AOX1: variants seen among roughly 807,000 people sequenced by gnomAD.
AOX1 encodes the protein aldehyde oxidase 1.
Under a neutral mutation model 169.5 loss-of-function variants are expected in AOX1, and 153 were observed. The observed-to-expected ratio is 0.90, with a 90% CI of 0.79 to 1.03. The LOEUF (loss-of-function observed/expected upper bound fraction) is 1.03, where lower values mean the gene tolerates loss of function less well. Ranked by LOEUF, AOX1 falls within the 50% of genes least tolerant of loss-of-function variation. The probability of loss-of-function intolerance (pLI) is 0.00; values close to 1 mark genes in which losing one functional copy is unlikely to be tolerated. For synonymous variants in AOX1, 562 were observed against 581.9 expected, an observed-to-expected ratio of 0.97 and a Z score of 0.49; for missense variants, 1,656 against 1,663.9, an observed-to-expected ratio of 1.00 and a Z score of 0.08.
intron 19 of AOX1, among the ~76,000 whole-genome samples, chr2:200,625,626 A>G (rs7597713): frequency 0.21 from 32,215 of 152,174 alleles, 3,668 homozygotes; most frequent in East Asian, 0.44. Context: ...CCCTCTCCCT[A>G]TACATTACAG....
At chr2:200,644,373 G>C (rs1287587015) in intron 25 of AOX1, among the ~76,000 whole-genome samples, 1 of 151,480 alleles carries the variant, frequency 6.6e-6, no homozygotes, top group African/African-American at 2.4e-5. Flanking sequence ...TTGGGTGTAA[G>C]TATTTGGGTT....
intron 26 of AOX1, among the ~76,000 whole-genome samples, chr2:200,656,525 A>G (rs1382412563): frequency 6.6e-6 from 1 of 152,168 alleles, no homozygotes; most frequent in Non-Finnish European, 1.5e-5. Flanking sequence ...TTTAGTGTCT[A>G]TCTATCTCAT....
intron 25 of AOX1, among the ~76,000 whole-genome samples, chr2:200,648,473 T>C (rs2035509988): frequency 6.6e-6 from 1 of 152,120 alleles, no homozygotes; most frequent in South Asian, 2.1e-4. Flanking sequence ...TGGATACCAG[T>C]GCCTGTTCCG....
chr2:200,673,026 A>G (rs2105781533), downstream of AOX1, among the ~76,000 whole-genome samples: 1 of 152,294 alleles, frequency 6.6e-6, no homozygotes, highest in African/African-American at 2.4e-5. Flanking sequence ...CAGAGCAGAA[A>G]AGTGACATGG....
rs958447476 is a variant in AOX1 at position 200,620,985 on chromosome 2, T to C, written c.1875-135T>C. 33 of 1,336,086 alleles carry C rather than the reference T, an allele frequency of 2.5e-5. No individual in the cohort carries two copies. The East Asian group carries it at 4.0e-4, about 16-fold the overall frequency. 82.8% of individuals were successfully genotyped at this position (1,336,086 alleles called of 1,614,324 possible). A position where few individuals can be genotyped will look rare whatever the true frequency, so the allele number is the denominator to read the frequency against. ...TGTAGGATTTACTACAACTTCGTTG[T>C]CCCAAGAATTTTTTCCCAATTGTCT... On this transcript the variant is annotated intron_variant, in intron 17 of 34. Coordinates refer to ENST00000374700, the MANE Select transcript of AOX1 (RefSeq NM_001159.4).
intron 19 of AOX1, among the ~76,000 whole-genome samples, chr2:200,624,598 T>C (rs780066397): frequency 6.6e-6 from 1 of 152,190 alleles, no homozygotes; most frequent in Non-Finnish European, 1.5e-5. Context: ...GGATGTTCCA[T>C]GAAGTGAGTG....
At chr2:200,674,142 A>T (rs1488535651), downstream of AOX1, among the ~76,000 whole-genome samples, 1 of 152,176 alleles carries the variant, frequency 6.6e-6, no homozygotes, top group Non-Finnish European at 1.5e-5. Flanking sequence ...CTCTCCCTCA[A>T]CTCACACCTA....
chr2:200,588,145 G>T (rs1268784233), intron 1 of AOX1: 2 of 152,510 alleles, frequency 1.3e-5, no homozygotes, highest in Non-Finnish European at 2.9e-5. Context: ...AGAGGGGATG[G>T]ATGTTTTGGC....
At chr2:200,609,674 AATGTCCGG>A (rs2034593829) in intron 12 of AOX1, among the ~76,000 whole-genome samples, 1 of 152,098 alleles carries the variant, frequency 6.6e-6, no homozygotes. Flanking sequence ...TGTGTTGGTT[AATGTCCGG>A]ATGTGATCTG....
Position 200,620,790 on chromosome 2 carries a change from G to C in AOX1, c.1845G>C (p.Val615=). 6.2e-7 allele frequency: 1 copy of C among 1,605,508 alleles called. No homozygotes were observed. Among genetic ancestry groups the C allele is most frequent in the Non-Finnish European group, 8.5e-7 (1 of 1,177,738 alleles). The change falls in exon 17 of 35, where the codon GTG becomes GTC. Residue 615 remains valine (V), a synonymous_variant. Transcript: ENST00000374700. ...LVDQELFLTF[V]TSSRAHAKIV... ...ACCAGGAACTTTTCTTGACTTTTGTGACTAGTTCAAGAGCTCATGCTAAGA... is the reference window on the plus strand; with the variant it reads ...ACCAGGAACTTTTCTTGACTTTTGTCACTAGTTCAAGAGCTCATGCTAAGA...
chr2:200,612,996 C>CTG (rs1254894174), intron 14 of AOX1, among the ~76,000 whole-genome samples: 2 of 113,218 alleles, frequency 1.8e-5, no homozygotes, highest in South Asian at 3.1e-4. Context: ...ATTATATACT[C>CTG]TGTGTGCGTG....
chr2:200,630,613 A>T (rs1480655596), intron 20 of AOX1, among the ~76,000 whole-genome samples: 4 of 150,914 alleles, frequency 2.7e-5, no homozygotes, highest in African/African-American at 9.7e-5. Flanking sequence ...GGAAGAAAAG[A>T]AAAGGAAAGA....
chr2:200,612,835 A>G, intron 14 of AOX1, 42 bp downstream of exon 14: 1 of 1,537,144 alleles, frequency 6.5e-7, no homozygotes, highest in Non-Finnish European at 8.8e-7. Context: ...ACTTGTCCTT[A>G]GACTCCAAGT....
At chr2:200,587,531 G>T (rs1574899996) in intron 1 of AOX1, among the ~76,000 whole-genome samples, 1 of 152,124 alleles carries the variant, frequency 6.6e-6, no homozygotes, top group Non-Finnish European at 1.5e-5. Context: ...TTGTGGTTTT[G>T]TATTATGTTT....
At chr2:200,621,924 T>G (rs1358548991) in intron 18 of AOX1, among the ~76,000 whole-genome samples, 4 of 152,134 alleles carry the variant, frequency 2.6e-5, no homozygotes, top group Non-Finnish European at 5.9e-5. Context: ...GGCTAATTTT[T>G]GTGTTTTTAG....
At chr2:200,605,724 A>C (rs553407786) in intron 10 of AOX1, 96 bp downstream of exon 10, 1 of 528,402 alleles carries the variant, frequency 1.9e-6, no homozygotes. Context: ...ATTCCTAATT[A>C]TAATACACAC....
chr2:200,617,020 A>G (rs1284759198), intron 16 of AOX1, among the ~76,000 whole-genome samples: 1 of 152,224 alleles, frequency 6.6e-6, no homozygotes, highest in Non-Finnish European at 1.5e-5. Context: ...TTCAAATATG[A>G]TAGTTGAACC....
intron 4 of AOX1, among the ~76,000 whole-genome samples, chr2:200,598,242 G>A (rs1287191487): frequency 1.3e-5 from 2 of 152,092 alleles, no homozygotes; most frequent in African/African-American, 4.8e-5. Context: ...TTTTTATAAA[G>A]TGGAAAACAA....
downstream of AOX1, among the ~76,000 whole-genome samples, chr2:200,680,746 A>C (rs912492878): frequency 9.2e-5 from 14 of 152,054 alleles, no homozygotes; most frequent in African/African-American, 3.4e-4. Flanking sequence ...GGGTTTCGCC[A>C]TGTTAGCCAG....
Sources: gnomAD v4.1 joint callset for allele counts (sites outside exome capture counted in the v4.1 genomes callset) on GRCh38, gnomAD v4.1.1 for gene constraint, MANE v1.5 for transcripts, NCBI Gene and HGNC (gene_info 2026-07-23, HGNC 2026-07-21) for gene names.